Variants in PTPRD observed in about 807,000 individuals in gnomAD.
PTPRD encodes the protein protein tyrosine phosphatase receptor type D.
Under a neutral mutation model 214.5 loss-of-function variants are expected in PTPRD, and 34 were observed. The observed-to-expected ratio is 0.16, with a 90% CI of 0.12 to 0.21. The LOEUF (loss-of-function observed/expected upper bound fraction) is 0.21, where lower values mean the gene tolerates loss of function less well. PTPRD is among the 10% of genes least tolerant of loss of function. The pLI is 1.00. For missense variants in PTPRD, 2,545 were observed against 2,398.7 expected (o/e 1.06, Z -1.27); for synonymous variants, 1,128 against 845.7 (o/e 1.33, Z -5.79).
At chr9:9,228,228 G>T (rs1435313113) in intron 9 of PTPRD, among the ~76,000 whole-genome samples, 1 of 151,988 alleles carries the variant, frequency 6.6e-6, no homozygotes, top group African/African-American at 2.4e-5. Context: ...CTTCATGCAG[G>T]AATATTCATA....
At chr9:8,553,899 C>T (rs2082882616) in intron 14 of PTPRD, among the ~76,000 whole-genome samples, 1 of 152,010 alleles carries the variant, frequency 6.6e-6, no homozygotes, top group South Asian at 2.1e-4. Flanking sequence ...AGAAAAAGAC[C>T]ACAGATTAGC....
intron 14 of PTPRD, among the ~76,000 whole-genome samples, chr9:8,540,721 C>A (rs548658785): frequency 6.6e-6 from 1 of 152,138 alleles, no homozygotes; most frequent in South Asian, 2.1e-4. Context: ...CTCAGCTCAT[C>A]ACAGTTCTCT....
intron 3 of PTPRD, among the ~76,000 whole-genome samples, chr9:10,268,305 TAA>T (rs2094208181): frequency 6.7e-6 from 1 of 149,004 alleles, no homozygotes; most frequent in Non-Finnish European, 1.5e-5. Context: ...ATAATAATAA[TAA>T]TAATAATAAT....
At chr9:9,046,225 T>G (rs1320711250) in intron 10 of PTPRD, among the ~76,000 whole-genome samples, 1 of 152,194 alleles carries the variant, frequency 6.6e-6, no homozygotes, top group African/African-American at 2.4e-5. Context: ...TTGTTATAAT[T>G]AGAAGTTTTA....
intron 11 of PTPRD, among the ~76,000 whole-genome samples, chr9:8,758,791 T>G (rs1230105093): frequency 6.6e-6 from 1 of 151,548 alleles, no homozygotes; most frequent in African/African-American, 2.4e-5. Context: ...GGAGTCTCGC[T>G]CTGTCACCCA....
chr9:9,663,676 C>T (rs537412135), intron 7 of PTPRD, among the ~76,000 whole-genome samples: 4 of 151,554 alleles, frequency 2.6e-5, no homozygotes, highest in African/African-American at 7.2e-5. Flanking sequence ...ATCACTAACA[C>T]CTGAATTTGA....
At chr9:8,986,491 T>C (rs1298578593) in intron 11 of PTPRD, among the ~76,000 whole-genome samples, 1 of 150,880 alleles carries the variant, frequency 6.6e-6, no homozygotes, top group Non-Finnish European at 1.5e-5. Flanking sequence ...ATATACCTCA[T>C]AAATAGTTTA....
intron 3 of PTPRD, among the ~76,000 whole-genome samples, chr9:10,089,198 T>A (rs2098399586): frequency 6.8e-6 from 1 of 147,300 alleles, no homozygotes; most frequent in African/African-American, 2.5e-5. Context: ...AGAATGAGAA[T>A]CAGTCTCAAA....
chr9:8,810,135 G>A (rs2096771882), intron 11 of PTPRD, among the ~76,000 whole-genome samples: 1 of 152,134 alleles, frequency 6.6e-6, no homozygotes, highest in Admixed American at 6.6e-5. Flanking sequence ...ATTAATCAAG[G>A]TAGATAGTCA....
At chr9:10,077,805 T>C (rs1793694918) in intron 3 of PTPRD, among the ~76,000 whole-genome samples, 1 of 151,686 alleles carries the variant, frequency 6.6e-6, no homozygotes, top group Non-Finnish European at 1.5e-5. Flanking sequence ...GCTCCAACCA[T>C]GTTGCTGCAA....
chr9:8,786,215 G>C (rs991617786), intron 11 of PTPRD, among the ~76,000 whole-genome samples: 2 of 152,012 alleles, frequency 1.3e-5, no homozygotes, highest in African/African-American at 4.8e-5. Context: ...AATTGAACTT[G>C]TTCCTGTGTT....
chr9:8,816,106 T>G (rs1487043924), intron 11 of PTPRD, among the ~76,000 whole-genome samples: 1 of 152,224 alleles, frequency 6.6e-6, no homozygotes, highest in Non-Finnish European at 1.5e-5. Context: ...ATCTGTTTAC[T>G]GATTAAACCC....
At chr9:8,592,520 T>A (rs1483649929) in intron 14 of PTPRD, among the ~76,000 whole-genome samples, 1 of 152,150 alleles carries the variant, frequency 6.6e-6, no homozygotes, top group Non-Finnish European at 1.5e-5. Context: ...GGATTCTACA[T>A]CTTTCATTTT....
intron 3 of PTPRD, among the ~76,000 whole-genome samples, chr9:10,201,603 T>G (rs2099423201): frequency 6.6e-6 from 1 of 152,078 alleles, no homozygotes; most frequent in Non-Finnish European, 1.5e-5. Context: ...CATGTGTGTG[T>G]GTATATGAAT....
intron 14 of PTPRD, among the ~76,000 whole-genome samples, chr9:8,553,344 A>G (rs2082673343): frequency 6.6e-6 from 1 of 152,190 alleles, no homozygotes; most frequent in Non-Finnish European, 1.5e-5. Context: ...TCTGACCTCA[A>G]GCAGCTTGAA....
intron 37 of PTPRD, among the ~76,000 whole-genome samples, chr9:8,381,139 T>G (rs964707706): frequency 3.5e-4 from 53 of 152,292 alleles, no homozygotes; most frequent in African/African-American, 1.2e-3. Flanking sequence ...CTAGTAAGTT[T>G]GGGCAGAGTG....
chr9:8,751,755 C>T (rs10758989), intron 11 of PTPRD, among the ~76,000 whole-genome samples: 103,790 of 152,100 alleles, frequency 0.68, 35,422 homozygotes, highest in Middle Eastern at 0.76. Flanking sequence ...TTTAACTCCT[C>T]AGTGTTTCTT....
chr9:10,527,271 C>T (rs1177662635), intron 2 of PTPRD, among the ~76,000 whole-genome samples: 1 of 152,124 alleles, frequency 6.6e-6, no homozygotes, highest in African/African-American at 2.4e-5. Flanking sequence ...CAGGGGCATT[C>T]ATGACTCAGT....
At chr9:9,803,787 A>T (rs2099056536) in intron 5 of PTPRD, 1 of 152,030 alleles carries the variant, frequency 6.6e-6, no homozygotes, top group Non-Finnish European at 1.5e-5. Flanking sequence ...AAATCAAATA[A>T]AAAAGGATTA....
Sources: gnomAD v4.1 joint callset for allele counts (sites outside exome capture counted in the v4.1 genomes callset) on GRCh38, gnomAD v4.1.1 for gene constraint, MANE v1.5 for transcripts, NCBI Gene and HGNC (gene_info 2026-07-23, HGNC 2026-07-21) for gene names.